FANCB: variants seen among roughly 807,000 people sequenced by gnomAD.
FANCB encodes the protein FA complementation group B.
In FANCB, 5 loss-of-function variants were observed where a neutral mutation model predicts 38.9. The ratio of observed to expected loss-of-function variants is 0.13; its 90% CI spans 0.07 to 0.27. FANCB has a LOEUF of 0.27. FANCB is among the 10% of genes least tolerant of loss of function. FANCB has a pLI of 1.00. For synonymous variants in FANCB, 236 were observed against 215.4 expected (o/e 1.10, Z -0.84); for missense variants, 573 against 602.7 (o/e 0.95, Z 0.52).
the FANCB span, among the ~76,000 whole-genome samples, chrX:14,741,768 A>G: frequency 8.9e-6 from 1 of 112,133 alleles, no homozygotes. Context: ...TTAATTGATG[A>G]AAAAACAGTA....
the FANCB span, among the ~76,000 whole-genome samples, chrX:14,699,193 G>C: frequency 1.8e-5 from 2 of 111,851 alleles, no homozygotes; most frequent in African/African-American, 6.5e-5. Context: ...AGAAATATGT[G>C]CACCATGTGA....
chrX:14,857,468 A>T (rs2092427830), intron 5 of FANCB, among the ~76,000 whole-genome samples: 2 of 110,477 alleles, frequency 1.8e-5, no homozygotes, highest in East Asian at 5.7e-4. Context: ...AAAAATAAAA[A>T]CTCTTTTGTG....
the FANCB span, among the ~76,000 whole-genome samples, chrX:14,784,991 A>G: frequency 1.8e-5 from 2 of 111,736 alleles, no homozygotes; most frequent in Non-Finnish European, 3.8e-5. Flanking sequence ...AGGGAGGGGA[A>G]CAACACACAC....
the FANCB span, among the ~76,000 whole-genome samples, chrX:14,817,821 T>C: frequency 9.0e-6 from 1 of 111,630 alleles, no homozygotes; most frequent in Non-Finnish European, 1.9e-5. Context: ...CCTAATCTAA[T>C]TGTTTTCTAG....
Position 14,851,173 on chromosome X carries a change from G to A in FANCB, c.1327-499C>T, listed in dbSNP as rs188708950. On this transcript the variant is annotated intron_variant, in intron 6 of 9. Coordinates refer to ENST00000650831, the MANE Select transcript of FANCB (RefSeq NM_001018113.3). ...ACACACATGTGGATATATAACATTC[G>A]AAAGAGTAGTAATAAGAATAATAGT... Among the ~76,000 whole-genome samples the A allele has an allele frequency of 5.0e-4, 56 of 111,788 alleles. 1 individual carries two copies. Among genetic ancestry groups the A allele is most frequent in the African/African-American group, 1.7e-3 (51 of 30,753 alleles).
chrX:14,717,733 T>G, the FANCB span, among the ~76,000 whole-genome samples: 3 of 94,625 alleles, frequency 3.2e-5, no homozygotes, highest in Non-Finnish European at 6.4e-5. Context: ...AAGATCCTTC[T>G]GTAAAGTAAA....
intron 3 of FANCB, among the ~76,000 whole-genome samples, chrX:14,862,727 A>G (rs980427544): frequency 1.6e-4 from 18 of 111,878 alleles, no homozygotes; most frequent in Non-Finnish European, 1.9e-4. Flanking sequence ...ACACTTTACA[A>G]TGTCATTTGA....
At chrX:14,847,324 A>C (rs752298098) in intron 7 of FANCB, among the ~76,000 whole-genome samples, 5 of 112,043 alleles carry the variant, frequency 4.5e-5, no homozygotes, top group Non-Finnish European at 7.5e-5. Flanking sequence ...AAAAGAAAGA[A>C]TAAAATTTAT....
the FANCB span, among the ~76,000 whole-genome samples, chrX:14,728,547 A>C: frequency 2.7e-5 from 3 of 112,173 alleles, no homozygotes; most frequent in Non-Finnish European, 5.6e-5. Flanking sequence ...ATGACATGGA[A>C]TATTTGGCAA....
At chrX:14,867,646 C>T (rs1440675461) in intron 2 of FANCB, among the ~76,000 whole-genome samples, 1 of 109,024 alleles carries the variant, frequency 9.2e-6, no homozygotes, top group Non-Finnish European at 1.9e-5. Context: ...ATAGGGGAAA[C>T]ATTTTATGAC....
At chrX:14,711,762 C>T in the FANCB span, among the ~76,000 whole-genome samples, 4 of 112,719 alleles carry the variant, frequency 3.5e-5, no homozygotes, top group Admixed American at 3.7e-4. Context: ...CCAGTTCCCA[C>T]AATGGTTAGT....
the FANCB span, among the ~76,000 whole-genome samples, chrX:14,812,584 T>C: frequency 2.7e-5 from 3 of 110,546 alleles, no homozygotes; most frequent in East Asian, 5.6e-4. Context: ...ATAAATTCCT[T>C]GACACATAGA....
the FANCB span, among the ~76,000 whole-genome samples, chrX:14,698,129 G>A: frequency 1.8e-5 from 2 of 111,907 alleles, no homozygotes; most frequent in Non-Finnish European, 3.8e-5. Flanking sequence ...AGTCACACAA[G>A]TACAGGGTCA....
chrX:14,761,042 T>G, the FANCB span, among the ~76,000 whole-genome samples: 1 of 112,319 alleles, frequency 8.9e-6, no homozygotes, highest in African/African-American at 3.2e-5. Context: ...ATAAATCTTG[T>G]GTAAATTTTA....
At position 14,853,917 on chromosome X, in the gene FANCB, A is replaced by T. The variant is rs868005274; in HGVS notation, c.1198-750T>A. ...ATAGAAGTTGTTTCATTTCAGGTGGATATCTGAGGCTGTTTAAGTATTCAT... is the reference window on the plus strand; with the variant it reads ...ATAGAAGTTGTTTCATTTCAGGTGGTTATCTGAGGCTGTTTAAGTATTCAT... On this transcript the variant is annotated intron_variant, in intron 5 of 9. Transcript: ENST00000650831. 4.4e-5 allele frequency among the ~76,000 whole-genome samples: 5 copies of T among 112,468 alleles called. No homozygotes were observed. The South Asian group carries it at 1.8e-3, about 41-fold the overall frequency.
At chrX:14,745,399 T>C in the FANCB span, among the ~76,000 whole-genome samples, 10 of 111,643 alleles carry the variant, frequency 9.0e-5, no homozygotes, top group Non-Finnish European at 1.7e-4. Flanking sequence ...TTATTTCTTA[T>C]TATTTAAGCT....
the FANCB span, among the ~76,000 whole-genome samples, chrX:14,733,583 T>A: frequency 1.2e-4 from 14 of 112,141 alleles, no homozygotes; most frequent in South Asian, 5.2e-3. Context: ...GTCCTTCACA[T>A]CCCTTGTAAG....
At chrX:14,803,157 T>C in the FANCB span, among the ~76,000 whole-genome samples, 38 of 112,331 alleles carry the variant, frequency 3.4e-4, no homozygotes, top group East Asian at 9.5e-3. Flanking sequence ...TTCCAGTATA[T>C]GACAATCAAG....
the FANCB span, among the ~76,000 whole-genome samples, chrX:14,823,988 A>G: frequency 8.9e-6 from 1 of 111,946 alleles, no homozygotes; most frequent in Non-Finnish European, 1.9e-5. Context: ...GCAAACTTAC[A>G]TACAGGGTGG....
Sources: allele counts gnomAD v4.1 joint callset (sites outside exome capture counted in the v4.1 genomes callset), GRCh38; gene constraint gnomAD v4.1.1; transcripts MANE v1.5; gene names NCBI Gene and HGNC (gene_info 2026-07-23, HGNC 2026-07-21).